Variants in ZBTB4 observed in about 807,000 individuals in gnomAD.
The protein encoded by ZBTB4 is zinc finger and BTB domain-containing protein 4.
A neutral mutation model predicts 59.8 loss-of-function variants in ZBTB4; 14 were observed. That is an observed-to-expected ratio of 0.23 (90% CI 0.15 to 0.37). ZBTB4 has a LOEUF of 0.37. Ranked by LOEUF, ZBTB4 falls within the 10% of genes least tolerant of loss-of-function variation. The pLI, the probability that ZBTB4 is intolerant of heterozygous loss-of-function variation, is 1.00. For missense variants in ZBTB4, 1,198 were observed against 1,380.8 expected (o/e 0.87, Z 2.10); for synonymous variants, 587 against 575.2 (o/e 1.02, Z -0.29).
rs774260757 is a variant in ZBTB4, at chr17:7,462,086, CT to C, written c.2895del (p.Val967SerfsTer6). The C allele has an allele frequency of 1.9e-6, 3 of 1,603,710 alleles. No individual in the cohort carries two copies. The highest frequency in any genetic ancestry group is 2.6e-6 in the Non-Finnish European group (3 of 1,174,420). ...EKGAGALPFL[P>X]GVFGYAVNPQ... ...GGATTCACTGCGTAGCCAAAGACCC[CT>C]GGTAGGAAGGGAAGGGCCCCCGCAC... On this transcript the variant is annotated frameshift_variant, in exon 4 of 4. Transcript: ENST00000380599. LOFTEE classifies it high-confidence loss of function. This position sits in a 1 kb window ranked among gnomAD's most constrained non-coding sequence, Gnocchi z 7.5.
Position 7,460,023 on chromosome 17 carries a change from G to GTAGA in ZBTB4, c.*1913_*1916dup, listed in dbSNP as rs2069995761. ...AGATAGATAGATATATAATTTGTGT[G>GTAGA]TAGATATATATATATGTATTCTTTA... is the stretch of plus-strand genomic sequence containing the variant. On this transcript the variant is annotated 3_prime_UTR_variant, in exon 4 of 4. Transcript: ENST00000380599. The GTAGA allele has an allele frequency of 6.6e-6, 1 of 152,548 alleles. No individual in the cohort carries two copies. The highest frequency in any genetic ancestry group is 1.9e-4 in the East Asian group (1 of 5,176). The allele number at this position is 152,548 out of a possible 1,614,324, so 9.4% of individuals were successfully genotyped here.
In ZBTB4 at chr17:7,465,943, G is replaced by A. The variant is rs1567686530; in HGVS notation, c.859C>T (p.Pro287Ser). The A allele has an allele frequency of 1.2e-6, 2 of 1,607,102 alleles. No individual in the cohort carries two copies. Among genetic ancestry groups the A allele is most frequent in the South Asian group, 1.1e-5 (1 of 90,626 alleles). The part of the protein sequence containing the change: ...GPAGVDASAL[P>S]PPVGFRGGPE... ...CCCCCTCGGAAGCCCACTGGTGGAGGCAGGGCTGAGGCGTCCACCCCTGCA... is the reference window on the plus strand; with the variant it reads ...CCCCCTCGGAAGCCCACTGGTGGAGACAGGGCTGAGGCGTCCACCCCTGCA... The change falls in exon 3 of 4, where the codon CCT becomes TCT. Residue 287 changes from proline to serine, a missense_variant. By Grantham distance (74) the Pro-to-Ser change is moderately conservative. Coordinates refer to ENST00000380599, the MANE Select transcript of ZBTB4 (RefSeq NM_001128833.2).
chr17:7,481,159 G>A (rs1444287297), upstream of ZBTB4, among the ~76,000 whole-genome samples: 8 of 80,678 alleles, frequency 9.9e-5, no homozygotes, highest in South Asian at 4.3e-4. Context: ...GCAAAACTCC[G>A]TCCCAAAAAA....
intron 3 of ZBTB4, among the ~76,000 whole-genome samples, chr17:7,464,893 AT>A (rs1252730086): frequency 1.3e-5 from 2 of 150,268 alleles, no homozygotes; most frequent in Non-Finnish European, 3.0e-5. Context: ...GCGGTGGCTC[AT>A]GCCTGTAATC....
chr17:7,463,414 G>A lies in ZBTB4; in HGVS notation c.1568C>T (p.Pro523Leu), dbSNP rs2070064120. 2 of 1,575,444 alleles carry A rather than the reference G, an allele frequency of 1.3e-6. No individual in the cohort carries two copies. Among genetic ancestry groups the A allele is most frequent in the African/African-American group, 1.4e-5 (1 of 74,052 alleles). Residue 523 changes from proline to leucine, a missense_variant, in exon 4 of 4, where the codon CCA becomes CTA. Around this residue, in one of 9 missense-constraint regions of ZBTB4, gnomAD observed 550 missense variants for 541.8 expected, o/e 1.02. Coordinates refer to ENST00000380599, the MANE Select transcript of ZBTB4 (RefSeq NM_001128833.2). ...GGCTGCAGGCTCAGGGGGAGGAGGT[G>A]GGTATTCTCGTTTCTTGGGTGGCCT... is the stretch of plus-strand genomic sequence containing the variant. ...PPRPPKKREY[P>L]PPPPEPAATP... is the part of the protein sequence containing the mutation.
Position 7,460,747 on chromosome 17 carries a change from G to C in ZBTB4, c.*1193C>G, listed in dbSNP as rs2070009011. On this transcript the variant is annotated 3_prime_UTR_variant, in exon 4 of 4. Transcript: ENST00000380599. ...AGTCCCTGTACCCCATCCCTAGGCT[G>C]GGATCTTTGGGTGTGGGGAACTGAG... 6.6e-6 allele frequency: 1 copy of C among 152,638 alleles called. No individual in the cohort carries two copies. Among genetic ancestry groups the C allele is most frequent in the Admixed American group, 6.5e-5 (1 of 15,276 alleles). 9.5% of individuals were successfully genotyped at this position (152,638 alleles called of 1,614,324 possible).
chr17:7,483,837 G>C (rs936412914), upstream of ZBTB4, among the ~76,000 whole-genome samples: 1 of 152,242 alleles, frequency 6.6e-6, no homozygotes, highest in Non-Finnish European at 1.5e-5. Flanking sequence ...TTACAGGCCA[G>C]GAGATGCCCA....
rs977295707 is a variant in ZBTB4 at position 7,459,708 on chromosome 17, G to T, written c.*2232C>A. 2.6e-5 allele frequency: 4 copies of T among 152,162 alleles called. No individual in the cohort carries two copies. Among genetic ancestry groups the T allele is most frequent in the Non-Finnish European group, 5.9e-5 (4 of 67,970 alleles). 9.4% of individuals were successfully genotyped at this position (152,162 alleles called of 1,614,324 possible). A position where few individuals can be genotyped will look rare whatever the true frequency, so the allele number is the denominator to read the frequency against. On this transcript the variant is annotated 3_prime_UTR_variant, in exon 4 of 4. Coordinates refer to ENST00000380599, the MANE Select transcript of ZBTB4 (RefSeq NM_001128833.2). ...ATACATATATTTTAATCTCCACGTCGCCACAATCTCATTTGTTGCCCAGAA... is the reference window on the plus strand; with the variant it reads ...ATACATATATTTTAATCTCCACGTCTCCACAATCTCATTTGTTGCCCAGAA...
intron 1 of ZBTB4, among the ~76,000 whole-genome samples, chr17:7,477,227 C>G (rs1053352014): frequency 5.9e-5 from 9 of 152,336 alleles, no homozygotes; most frequent in African/African-American, 1.7e-4. Context: ...AGGCACAGCC[C>G]CCAGACTATA....
At position 7,473,834 on chromosome 17, in the gene ZBTB4, G is replaced by A. The variant is rs76656108; in HGVS notation, c.-81+5622C>T. Among the ~76,000 whole-genome samples the A allele has an allele frequency of 2.4e-4, 37 of 152,288 alleles. No individual in the cohort carries two copies. In the East Asian group the frequency reaches 6.9e-3, roughly 29 times the overall value. On this transcript the variant is annotated intron_variant, in intron 1 of 3. Transcript: ENST00000380599. ...CAAAGTGCTGGGATCATAGTGGAAA[G>A]CCACTGCGCCCAGCTCCTATTTCTT...
upstream of ZBTB4, among the ~76,000 whole-genome samples, chr17:7,481,071 A>C (rs1041313486): frequency 1.3e-5 from 2 of 151,298 alleles, no homozygotes; most frequent in African/African-American, 2.4e-5. Flanking sequence ...AGGTAGGAGA[A>C]TTGCTTGAAC....
upstream of ZBTB4, among the ~76,000 whole-genome samples, chr17:7,480,490 T>C (rs983307113): frequency 4.7e-5 from 7 of 149,962 alleles, no homozygotes; most frequent in South Asian, 1.5e-3. Context: ...GAGGCCGAGG[T>C]GGGCGGATCA....
At position 7,462,715 on chromosome 17, in the gene ZBTB4, C is replaced by T. The variant is rs757345406; in HGVS notation, c.2267G>A (p.Arg756Gln). 5 of 1,604,118 alleles carry T rather than the reference C, an allele frequency of 3.1e-6. No homozygotes were observed. Among genetic ancestry groups the T allele is most frequent in the African/African-American group, 2.7e-5 (2 of 74,918 alleles). ...EAHGGGSHSS[R>Q]AGRRPSTRFT... ...GCGGGTGGAGGGCCTCCGTCCGGCC[C>T]GGGAGCTGTGGGAGCCCCCACCGTG... is the stretch of plus-strand genomic sequence containing the variant. Residue 756 changes from arginine to glutamine, a missense_variant, in exon 4 of 4, where the codon CGG becomes CAG. Arg to Gln is a conservative substitution (Grantham distance 43). Coordinates refer to ENST00000380599, the MANE Select transcript of ZBTB4 (RefSeq NM_001128833.2). This position sits in a 1 kb window ranked among gnomAD's most constrained non-coding sequence, Gnocchi z 7.5.
At chr17:7,464,924 AG>A (rs1161541650) in intron 3 of ZBTB4, among the ~76,000 whole-genome samples, 1 of 151,492 alleles carries the variant, frequency 6.6e-6, no homozygotes, top group African/African-American at 2.4e-5. Flanking sequence ...TGGGAGGCCA[AG>A]GCGGGTGGAT....
chr17:7,474,233 T>TTTTTTTTTTTACA (rs2070238437), intron 1 of ZBTB4, among the ~76,000 whole-genome samples: 1 of 149,862 alleles, frequency 6.7e-6, no homozygotes, highest in Non-Finnish European at 1.5e-5. Context: ...TTTTTTTTTT[T>TTTTTTTTTTTACA]GACATGAGGT....
intron 1 of ZBTB4, among the ~76,000 whole-genome samples, chr17:7,476,446 G>C (rs1365161878): frequency 6.6e-6 from 1 of 152,162 alleles, no homozygotes; most frequent in East Asian, 1.9e-4. Context: ...CCAGGAGTTT[G>C]AGTCCAGCCT....
At chr17:7,480,881 A>G (rs2070336664), upstream of ZBTB4, among the ~76,000 whole-genome samples, 2 of 151,200 alleles carry the variant, frequency 1.3e-5, no homozygotes, top group African/African-American at 4.9e-5. Context: ...TGGGCTGGGC[A>G]CGGTGGCTCA....
upstream of ZBTB4, chr17:7,482,550 C>A (rs532102930): frequency 2.5e-4 from 406 of 1,612,574 alleles, no homozygotes; most frequent in Non-Finnish European, 3.2e-4. Flanking sequence ...GGTGTCTACA[C>A]CGCCCTGGGC....
intron 1 of ZBTB4, among the ~76,000 whole-genome samples, chr17:7,473,230 A>G (rs1271061305): frequency 6.7e-6 from 1 of 149,290 alleles, no homozygotes; most frequent in Non-Finnish European, 1.5e-5. Context: ...CTCCTGCCTC[A>G]GCCTCCGGAG....
Sources: allele counts gnomAD v4.1 joint callset (sites outside exome capture counted in the v4.1 genomes callset), GRCh38; gene constraint gnomAD v4.1.1; regional missense constraint gnomAD v4.1.1; non-coding constraint Gnocchi (gnomAD v3.1); transcripts MANE v1.5; gene names NCBI Gene and HGNC (gene_info 2026-07-23, HGNC 2026-07-21).